The following CNTNAP4 variants were observed in gnomAD, a reference collection of about 807,000 sequenced individuals.
CNTNAP4 encodes the protein contactin-associated protein-like 4.
A neutral mutation model predicts 148.4 loss-of-function variants in CNTNAP4; 98 were observed. The observed-to-expected ratio is 0.66, with a 90% CI of 0.56 to 0.78. The LOEUF (loss-of-function observed/expected upper bound fraction) is 0.78. CNTNAP4 is among the 30% of genes least tolerant of loss of function. CNTNAP4 has a pLI of 0.00. For missense variants in CNTNAP4, 1,935 were observed against 1,565.6 expected (o/e 1.24, Z -3.98); for synonymous variants, 730 against 565.1 (o/e 1.29, Z -4.14).
At chr16:76,375,784 A>G (rs2015356064) in intron 3 of CNTNAP4, among the ~76,000 whole-genome samples, 1 of 152,214 alleles carries the variant, frequency 6.6e-6, no homozygotes, top group Admixed American at 6.5e-5. Flanking sequence ...TGTGTGAGCC[A>G]AGAGTGACTT....
chr16:76,492,634 G>A (rs1245281719), intron 13 of CNTNAP4, among the ~76,000 whole-genome samples: 1 of 152,088 alleles, frequency 6.6e-6, no homozygotes, highest in East Asian at 1.9e-4. Flanking sequence ...TTGAATCATG[G>A]GGGCAGTTTC....
At chr16:76,334,516 A>G (rs1250032848) in intron 2 of CNTNAP4, among the ~76,000 whole-genome samples, 2 of 152,312 alleles carry the variant, frequency 1.3e-5, no homozygotes, top group East Asian at 1.9e-4. Flanking sequence ...TTATCCTTCA[A>G]ACAAAACTCT....
intron 2 of CNTNAP4, among the ~76,000 whole-genome samples, chr16:76,349,377 A>G (rs896345460): frequency 6.6e-6 from 1 of 152,198 alleles, no homozygotes; most frequent in African/African-American, 2.4e-5. Flanking sequence ...AAGATGGAGA[A>G]GTGAACATGA....
intron 18 of CNTNAP4, among the ~76,000 whole-genome samples, chr16:76,536,486 A>G (rs1237453358): frequency 6.6e-6 from 1 of 152,122 alleles, no homozygotes; most frequent in Non-Finnish European, 1.5e-5. Flanking sequence ...GTGAGTCCCC[A>G]TGCCCGGCCC....
At chr16:76,469,146 C>T (rs371858720) in intron 10 of CNTNAP4, among the ~76,000 whole-genome samples, 1 of 152,124 alleles carries the variant, frequency 6.6e-6, no homozygotes, top group African/African-American at 2.4e-5. Flanking sequence ...TAACCATATT[C>T]AGCAATAAGA....
chr16:76,339,211 T>C (rs1964267784), intron 2 of CNTNAP4, among the ~76,000 whole-genome samples: 1 of 152,134 alleles, frequency 6.6e-6, no homozygotes, highest in Non-Finnish European at 1.5e-5. Context: ...GTCTAATGTC[T>C]TGTGCTGCCA....
At chr16:76,375,695 C>T (rs1363436253) in intron 3 of CNTNAP4, among the ~76,000 whole-genome samples, 3 of 152,088 alleles carry the variant, frequency 2.0e-5, no homozygotes, top group African/African-American at 4.8e-5. Flanking sequence ...GCTAGGGTAG[C>T]AAACATCATG....
intron 3 of CNTNAP4, among the ~76,000 whole-genome samples, chr16:76,402,242 A>G (rs898205162): frequency 6.6e-6 from 1 of 151,912 alleles, no homozygotes; most frequent in African/African-American, 2.4e-5. Context: ...CAGGGAATCA[A>G]TTTCTTCCGG....
intron 14 of CNTNAP4, among the ~76,000 whole-genome samples, chr16:76,497,866 AT>A (rs2082457813): frequency 6.6e-6 from 1 of 152,144 alleles, no homozygotes; most frequent in African/African-American, 2.4e-5. Context: ...ATGCTACAAC[AT>A]TTCAAAAAAT....
In CNTNAP4 at chr16:76,437,955, A is replaced by G. The variant is rs146073094; in HGVS notation, c.539-10057A>G. Among the ~76,000 whole-genome samples, 8 of 152,306 alleles carry G rather than the reference A, an allele frequency of 5.3e-5. No homozygotes were observed. In the South Asian group the frequency reaches 1.5e-3, roughly 28 times the overall value. On this transcript the variant is annotated intron_variant, in intron 4 of 23. Coordinates refer to ENST00000611870, the MANE Select transcript of CNTNAP4 (RefSeq NM_033401.5). ...TAAAATTATAAGTGTTAAATAAAATATATTTTAAAAGCCTGCTTCAGAGTT... is the reference window on the plus strand; with the variant it reads ...TAAAATTATAAGTGTTAAATAAAATGTATTTTAAAAGCCTGCTTCAGAGTT...
chr16:76,425,462 A>C (rs2079353588), intron 3 of CNTNAP4, among the ~76,000 whole-genome samples: 1 of 152,214 alleles, frequency 6.6e-6, no homozygotes, highest in African/African-American at 2.4e-5. Flanking sequence ...GATGGAACAC[A>C]ATAAACCTCC....
At chr16:76,445,747 AT>A (rs2080215131) in intron 4 of CNTNAP4, among the ~76,000 whole-genome samples, 3 of 152,190 alleles carry the variant, frequency 2.0e-5, no homozygotes, top group Non-Finnish European at 4.4e-5. Context: ...AATGGGAAAA[AT>A]TCTCTTGGTA....
chr16:76,352,450 C>A (rs928127791), intron 2 of CNTNAP4, among the ~76,000 whole-genome samples: 1 of 152,152 alleles, frequency 6.6e-6, no homozygotes, highest in Admixed American at 6.6e-5. Flanking sequence ...TTTTCTACAT[C>A]CACTGGGAAC....
intron 4 of CNTNAP4, among the ~76,000 whole-genome samples, chr16:76,431,317 T>C (rs887050333): frequency 1.3e-5 from 2 of 152,082 alleles, no homozygotes; most frequent in African/African-American, 4.8e-5. Flanking sequence ...AGCAACTCAT[T>C]AGAAGGCTTT....
chr16:76,481,912 G>C (rs757790545), intron 12 of CNTNAP4, among the ~76,000 whole-genome samples: 3 of 152,110 alleles, frequency 2.0e-5, no homozygotes, highest in Non-Finnish European at 4.4e-5. Context: ...CAAGTTGGGT[G>C]GGGAGGGGAA....
At position 76,467,434 on chromosome 16, in the gene CNTNAP4, C is replaced by T. The variant is rs755624525; in HGVS notation, c.1566C>T (p.Ser522=). Residue 522 remains serine (S), a synonymous_variant, in exon 10 of 24, where the codon AGC becomes AGT. Transcript: ENST00000611870. ...FQGCMRLISI[S]GKVVDLISVQ... ...GATGTATGAGGCTCATTTCTATCAG[C>T]GGCAAAGTGGTAGATCTGATTTCAG... 13 of 1,613,708 alleles carry T rather than the reference C, an allele frequency of 8.1e-6. No homozygotes were observed. Among genetic ancestry groups the T allele is most frequent in the East Asian group, 4.5e-5 (2 of 44,858 alleles).
intron 3 of CNTNAP4, among the ~76,000 whole-genome samples, chr16:76,372,887 T>C (rs17699273): frequency 0.21 from 31,753 of 152,156 alleles, 3,884 homozygotes; most frequent in East Asian, 0.48. Flanking sequence ...TGTACCTATT[T>C]CTTAAGGCTA....
At chr16:76,277,919 C>T (rs1321444477) in intron 1 of CNTNAP4, among the ~76,000 whole-genome samples, 172 bp downstream of exon 1, 1 of 152,248 alleles carries the variant, frequency 6.6e-6, no homozygotes, top group Non-Finnish European at 1.5e-5. Context: ...TGTCTCTCCT[C>T]TTGGTCTGGT....
intron 3 of CNTNAP4, among the ~76,000 whole-genome samples, chr16:76,426,622 T>G (rs2079415328): frequency 2.6e-5 from 4 of 152,156 alleles, no homozygotes; most frequent in Admixed American, 2.6e-4. Flanking sequence ...GTTTTACAGG[T>G]AAGCTACCTA....
Sources: gnomAD v4.1 joint callset for allele counts (sites outside exome capture counted in the v4.1 genomes callset) on GRCh38, gnomAD v4.1.1 for gene constraint, MANE v1.5 for transcripts, NCBI Gene and HGNC (gene_info 2026-07-23, HGNC 2026-07-21) for gene names.